OPCML: variants seen among roughly 807,000 people sequenced by gnomAD.
The protein encoded by OPCML is opioid binding protein/cell adhesion molecule like.
Under a neutral mutation model 37.8 loss-of-function variants are expected in OPCML, and 13 were observed. That is an observed-to-expected ratio of 0.34 (90% CI 0.22 to 0.55). The LOEUF (loss-of-function observed/expected upper bound fraction) is 0.55, where lower values mean the gene tolerates loss of function less well. Ranked by LOEUF, OPCML falls within the 20% of genes least tolerant of loss-of-function variation. The probability of loss-of-function intolerance (pLI) is 0.91; values close to 1 mark genes in which losing one functional copy is unlikely to be tolerated. For missense variants in OPCML, 341 were observed against 435.6 expected (o/e 0.78, Z 1.93); for synonymous variants, 176 against 168.8 (o/e 1.04, Z -0.33).
chr11:132,574,644 T>C (rs1370711337), intron 3 of OPCML, among the ~76,000 whole-genome samples: 1 of 152,004 alleles, frequency 6.6e-6, no homozygotes, highest in East Asian at 1.9e-4. Context: ...AATTTCAATT[T>C]TCTTAATTTT....
chr11:133,064,381 G>T (rs1023641308), intron 1 of OPCML, among the ~76,000 whole-genome samples: 1 of 152,240 alleles, frequency 6.6e-6, no homozygotes, highest in African/African-American at 2.4e-5. Context: ...GAGCTCCTCC[G>T]CAGGGAGCAT....
intron 1 of OPCML, among the ~76,000 whole-genome samples, chr11:133,172,055 T>G (rs1950295485): frequency 6.6e-6 from 1 of 152,226 alleles, no homozygotes; most frequent in Non-Finnish European, 1.5e-5. Flanking sequence ...TAAATGCAGA[T>G]GCTTTGAACT....
intron 1 of OPCML, among the ~76,000 whole-genome samples, chr11:133,519,992 A>G (rs1010432644): frequency 6.6e-6 from 1 of 152,170 alleles, no homozygotes; most frequent in Non-Finnish European, 1.5e-5. Flanking sequence ...GTCTGCCCAT[A>G]CAAAGTGAGG....
intron 2 of OPCML, 32 bp downstream of exon 2, chr11:132,942,894 G>A: frequency 6.2e-7 from 1 of 1,613,402 alleles, no homozygotes; most frequent in Non-Finnish European, 8.5e-7. Context: ...ACAGCCCAGG[G>A]GCTCGGCCCC....
At chr11:133,415,408 T>TAAA (rs530082319) in intron 1 of OPCML, among the ~76,000 whole-genome samples, 1 of 139,546 alleles carries the variant, frequency 7.2e-6, no homozygotes, top group South Asian at 2.3e-4. Context: ...AGACTTCGTC[T>TAAA]AAAAAAAAAA....
intron 3 of OPCML, among the ~76,000 whole-genome samples, chr11:132,655,190 G>A (rs139593087): frequency 3.0e-4 from 46 of 152,310 alleles, no homozygotes; most frequent in African/African-American, 1.1e-3. Flanking sequence ...TACAGTGCCT[G>A]ACAGTTCTTT....
intron 2 of OPCML, among the ~76,000 whole-genome samples, chr11:132,808,797 T>C (rs1046001099): frequency 3.9e-5 from 6 of 152,220 alleles, no homozygotes; most frequent in African/African-American, 1.2e-4. Context: ...TAACACATCA[T>C]TGATTATCCT....
At chr11:133,245,581 G>A (rs1940891629) in intron 1 of OPCML, among the ~76,000 whole-genome samples, 1 of 152,120 alleles carries the variant, frequency 6.6e-6, no homozygotes, top group South Asian at 2.1e-4. Flanking sequence ...AGACTCGTGT[G>A]TCAAAATCTC....
chr11:133,231,178 A>G (rs769626381), intron 1 of OPCML, among the ~76,000 whole-genome samples: 2 of 152,224 alleles, frequency 1.3e-5, no homozygotes, highest in Non-Finnish European at 2.9e-5. Context: ...TCATTGAAGC[A>G]TAATCAGCCA....
intron 2 of OPCML, among the ~76,000 whole-genome samples, chr11:132,727,916 T>G (rs370086152): frequency 2.0e-4 from 30 of 152,178 alleles, no homozygotes; most frequent in Non-Finnish European, 3.5e-4. Flanking sequence ...TGCACGCAGC[T>G]CTGGGCTTCC....
chr11:133,027,345 C>T (rs1170909189), intron 1 of OPCML, among the ~76,000 whole-genome samples: 2 of 152,128 alleles, frequency 1.3e-5, no homozygotes. Flanking sequence ...CAAAATTTAG[C>T]TCTTATTGTA....
At chr11:133,443,313 T>TTATGTATCA (rs2136943500) in intron 1 of OPCML, among the ~76,000 whole-genome samples, 1 of 152,324 alleles carries the variant, frequency 6.6e-6, no homozygotes, top group Non-Finnish European at 1.5e-5. Context: ...TTGGGTGTTT[T>TTATGTATCA]TATGTATCAT....
intron 3 of OPCML, among the ~76,000 whole-genome samples, chr11:132,604,474 C>T (rs1938141103): frequency 6.6e-6 from 1 of 152,104 alleles, no homozygotes; most frequent in South Asian, 2.1e-4. Flanking sequence ...GCTCTCACTC[C>T]CTTGTAGAAG....
rs556267740 is a variant in OPCML at position 133,453,869 on chromosome 11, T to C, written c.61+78395A>G. Among the ~76,000 whole-genome samples, 152 of 152,302 alleles carry C rather than the reference T, an allele frequency of 1.0e-3. 1 individual carries two copies. Among genetic ancestry groups the C allele is most frequent in the African/African-American group, 3.3e-3 (139 of 41,566 alleles). ...AATGTTTGCGGACAGAGCCTACATA[T>C]GAACTCAAACACATGGATGTCTAAA... is the stretch of plus-strand genomic sequence containing the variant. On this transcript the variant is annotated intron_variant, in intron 1 of 7. Transcript: ENST00000524381.
chr11:132,779,716 C>T (rs947189044), intron 2 of OPCML, among the ~76,000 whole-genome samples: 14 of 152,130 alleles, frequency 9.2e-5, no homozygotes, highest in African/African-American at 2.6e-4. Context: ...TTAATGAGGT[C>T]GGAGCTCCAG....
intron 2 of OPCML, among the ~76,000 whole-genome samples, chr11:132,925,510 C>A (rs955195401): frequency 6.6e-6 from 1 of 152,150 alleles, no homozygotes; most frequent in South Asian, 2.1e-4. Context: ...CCCTGAGAAC[C>A]TGGTGGGGCT....
intron 2 of OPCML, among the ~76,000 whole-genome samples, chr11:132,832,841 G>C (rs1940777752): frequency 6.6e-6 from 1 of 152,146 alleles, no homozygotes; most frequent in African/African-American, 2.4e-5. Flanking sequence ...AATATTACAG[G>C]CAACTGTAAC....
intron 3 of OPCML, among the ~76,000 whole-genome samples, chr11:132,644,543 A>G (rs1221344988): frequency 6.6e-6 from 1 of 152,244 alleles, no homozygotes; most frequent in Admixed American, 6.5e-5. Flanking sequence ...ACAAATATCT[A>G]TTACAACGAT....
At chr11:133,176,816 A>G (rs757280848) in intron 1 of OPCML, among the ~76,000 whole-genome samples, 2 of 152,222 alleles carry the variant, frequency 1.3e-5, no homozygotes, top group Non-Finnish European at 2.9e-5. Flanking sequence ...CTAACGTAGC[A>G]AATCAGTCAT....
Sources: allele counts gnomAD v4.1 joint callset (sites outside exome capture counted in the v4.1 genomes callset), GRCh38; gene constraint gnomAD v4.1.1; transcripts MANE v1.5; gene names NCBI Gene and HGNC (gene_info 2026-07-23, HGNC 2026-07-21).